Variants in ANO3 observed in about 807,000 individuals in gnomAD.
The protein encoded by ANO3 is anoctamin 3.
ANO3 carries 99 observed loss-of-function variants against 144.8 expected under a neutral mutation model. The ratio of observed to expected loss-of-function variants is 0.68; its 90% CI spans 0.58 to 0.81. The LOEUF (loss-of-function observed/expected upper bound fraction) is 0.81. Among genes scored for constraint, ANO3 ranks in the 30% least tolerant of loss-of-function variants. The pLI, the probability that ANO3 is intolerant of heterozygous loss-of-function variation, is 0.00. For synonymous variants in ANO3, 414 were observed against 392.6 expected, an observed-to-expected ratio of 1.05 and a Z score of -0.64; for missense variants, 905 against 1,202.2, an observed-to-expected ratio of 0.75 and a Z score of 3.66.
chr11:26,341,128 C>T (rs1855348523), intron 1 of ANO3, among the ~76,000 whole-genome samples: 1 of 146,962 alleles, frequency 6.8e-6, no homozygotes, highest in Non-Finnish European at 1.5e-5. Context: ...CTCTTTCTTT[C>T]TTTTCTTTCT....
At chr11:26,288,819 G>C (rs954396506) in intron 1 of ANO3, among the ~76,000 whole-genome samples, 1 of 152,006 alleles carries the variant, frequency 6.6e-6, no homozygotes, top group South Asian at 2.1e-4. Flanking sequence ...ATGGTGCCAT[G>C]GATCTAATAT....
intron 18 of ANO3, 30 bp from the exon 19 acceptor site, chr11:26,634,174 C>T: frequency 7.0e-7 from 1 of 1,436,268 alleles, no homozygotes; most frequent in Non-Finnish European, 9.8e-7. Context: ...CTCACCTCAC[C>T]TGTGTCAATG....
At chr11:26,531,099 T>C in intron 7 of ANO3, 106 bp from the exon 8 acceptor site, 1 of 1,275,842 alleles carries the variant, frequency 7.8e-7, no homozygotes, top group Non-Finnish European at 1.1e-6. Context: ...GGTTTGTGTA[T>C]CTCTTTTCAA....
rs1247648106 is a variant in ANO3, at chr11:26,612,975, C to T, written c.1837-11487C>T. Among the ~76,000 whole-genome samples the T allele has an allele frequency of 2.0e-5, 3 of 152,074 alleles. No homozygotes were observed. The South Asian group carries it at 6.2e-4, about 31-fold the overall frequency. On this transcript the variant is annotated intron_variant, in intron 17 of 26. Coordinates refer to ENST00000256737, the MANE Select transcript of ANO3 (RefSeq NM_031418.4). ...GATTAACGAGTACTTTGAAGAGGAT[C>T]ATTTTGAGTTGAATCTAATAGGGGA...
At chr11:26,294,762 A>T (rs1258388806) in intron 1 of ANO3, among the ~76,000 whole-genome samples, 2 of 152,194 alleles carry the variant, frequency 1.3e-5, no homozygotes, top group African/African-American at 4.8e-5. Flanking sequence ...ACATCGAAAA[A>T]ATCTTATGCC....
intron 1 of ANO3, among the ~76,000 whole-genome samples, chr11:26,398,004 G>C (rs1857059599): frequency 6.8e-6 from 1 of 147,774 alleles, no homozygotes; most frequent in South Asian, 2.1e-4. Flanking sequence ...TCACTATAAG[G>C]ATGGGCGAAA....
rs76962336 is a variant in ANO3 at position 26,473,440 on chromosome 11, T to C, written c.432+10292T>C. Reference sequence around the variant, plus strand: ...AGCTCAGAGACAATACAATGCAATGTCAAGTTGAACACAGGCAGGATTTTT... The same window carrying C: ...AGCTCAGAGACAATACAATGCAATGCCAAGTTGAACACAGGCAGGATTTTT... On this transcript the variant is annotated intron_variant, in intron 4 of 26. Transcript: ENST00000256737. Among the ~76,000 whole-genome samples the C allele has an allele frequency of 2.0e-3, 304 of 151,992 alleles. 8 individuals are homozygous for C. In the East Asian group the frequency reaches 0.056, roughly 28 times the overall value.
At chr11:26,600,320 C>CCTCCT (rs1851760942) in intron 17 of ANO3, among the ~76,000 whole-genome samples, 2 of 86,506 alleles carry the variant, frequency 2.3e-5, no homozygotes, top group Non-Finnish European at 4.8e-5. Context: ...TCTCCTCTCC[C>CCTCCT]CTCCCGTCTT....
rs771347645 is a variant in ANO3, at chr11:26,598,993, T to C, written c.1666T>C (p.Phe556Leu). The change falls in exon 16 of 27, where the codon TTC becomes CTC. Residue 556 changes from phenylalanine (F) to leucine (L), a missense_variant. Phe to Leu is a conservative substitution (Grantham distance 22). Transcript: ENST00000256737. Reference protein sequence around the residue: ...RLLVSVSGIFFMISLVITAVF... With the variant: ...RLLVSVSGIFLMISLVITAVF... ...TCTTGTTTCTGTCTCAGGAATATTC[T>C]TCATGGTAAAGTATAGGCATCGATA... is the stretch of plus-strand genomic sequence containing the variant. The C allele has an allele frequency of 3.2e-5, 52 of 1,613,664 alleles. No homozygotes were observed. The highest frequency in any genetic ancestry group is 4.2e-5 in the Non-Finnish European group (50 of 1,179,908).
intron 1 of ANO3, among the ~76,000 whole-genome samples, chr11:26,275,451 G>T (rs1185770221): frequency 1.3e-5 from 2 of 152,068 alleles, no homozygotes; most frequent in Non-Finnish European, 2.9e-5. Context: ...GCCATGAGGT[G>T]CCTGACCTTC....
intron 1 of ANO3, among the ~76,000 whole-genome samples, chr11:26,365,977 TATATATATATATATATATATA>T (rs1372603728): frequency 0.25 from 18,591 of 73,254 alleles, 1,731 homozygotes; most frequent in African/African-American, 0.3. Flanking sequence ...TATATATATA[TATATATATATATATATATATA>T]TATATTTTAA....
At chr11:26,272,235 C>T (rs1853454866) in intron 1 of ANO3, among the ~76,000 whole-genome samples, 1 of 151,594 alleles carries the variant, frequency 6.6e-6, no homozygotes, top group South Asian at 2.1e-4. Flanking sequence ...AGAAGAGCAC[C>T]GAGAAGCAGA....
intron 1 of ANO3, among the ~76,000 whole-genome samples, chr11:26,429,044 G>A (rs553111765): frequency 1.3e-5 from 2 of 152,294 alleles, no homozygotes; most frequent in Admixed American, 1.3e-4. Flanking sequence ...TCACTGAGAA[G>A]TCACGGTAGT....
At chr11:26,536,394 A>T (rs985119222) in intron 9 of ANO3, among the ~76,000 whole-genome samples, 2 of 151,998 alleles carry the variant, frequency 1.3e-5, no homozygotes, top group Non-Finnish European at 2.9e-5. Flanking sequence ...AAATGTTAGT[A>T]CTATATTGTT....
At chr11:26,398,342 A>T (rs1203784107) in intron 1 of ANO3, among the ~76,000 whole-genome samples, 1 of 152,090 alleles carries the variant, frequency 6.6e-6, no homozygotes, top group Non-Finnish European at 1.5e-5. Flanking sequence ...ACAAATTTTC[A>T]AAAGGCTCCT....
intron 12 of ANO3, among the ~76,000 whole-genome samples, chr11:26,552,313 T>TC (rs1459955488): frequency 7.2e-6 from 1 of 139,228 alleles, no homozygotes; most frequent in African/African-American, 2.7e-5. Flanking sequence ...TCACACGCAT[T>TC]CTTTTTTTTG....
At chr11:26,456,456 CA>C (rs1284542541) in intron 3 of ANO3, among the ~76,000 whole-genome samples, 2 of 151,082 alleles carry the variant, frequency 1.3e-5, no homozygotes, top group African/African-American at 2.4e-5. Flanking sequence ...TTTACGCAGC[CA>C]AAAAACACAT....
At chr11:26,457,805 A>T (rs1417851236) in intron 3 of ANO3, among the ~76,000 whole-genome samples, 1 of 152,022 alleles carries the variant, frequency 6.6e-6, no homozygotes, top group Non-Finnish European at 1.5e-5. Context: ...CCTTCCTATT[A>T]TTCTGCTACT....
At chr11:26,583,577 C>T (rs1220167271) in intron 14 of ANO3, among the ~76,000 whole-genome samples, 1 of 152,210 alleles carries the variant, frequency 6.6e-6, no homozygotes, top group African/African-American at 2.4e-5. Flanking sequence ...TAGAGAACTC[C>T]ATGCATTACA....
Sources: allele counts gnomAD v4.1 joint callset (sites outside exome capture counted in the v4.1 genomes callset), GRCh38; gene constraint gnomAD v4.1.1; transcripts MANE v1.5; gene names NCBI Gene and HGNC (gene_info 2026-07-23, HGNC 2026-07-21).